PTPRS: variants seen among roughly 807,000 people sequenced by gnomAD.
PTPRS encodes the protein protein tyrosine phosphatase receptor type S.
In PTPRS, 63 loss-of-function variants were observed where a neutral mutation model predicts 215.3. The ratio of observed to expected loss-of-function variants is 0.29; its 90% CI spans 0.24 to 0.36. The LOEUF (loss-of-function observed/expected upper bound fraction) is 0.36, where lower values mean the gene tolerates loss of function less well. Ranked by LOEUF, PTPRS falls within the 10% of genes least tolerant of loss-of-function variation. The pLI is 1.00. For synonymous variants in PTPRS, 1,404 were observed against 1,191.4 expected, an observed-to-expected ratio of 1.18 and a Z score of -3.68; for missense variants, 2,258 against 2,825.8, an observed-to-expected ratio of 0.80 and a Z score of 4.56.
intron 1 of PTPRS, among the ~76,000 whole-genome samples, chr19:5,323,541 G>T (rs2050087937): frequency 6.6e-6 from 1 of 152,228 alleles, no homozygotes; most frequent in Admixed American, 6.5e-5. Context: ...GTTGCTGTTT[G>T]GGGAAAAGCA....
At chr19:5,241,431 A>G (rs887156247) in intron 11 of PTPRS, among the ~76,000 whole-genome samples, 1 of 151,710 alleles carries the variant, frequency 6.6e-6, no homozygotes, top group Non-Finnish European at 1.5e-5. Context: ...CCACAGGCAC[A>G]CACCACCACA....
chr19:5,307,394 A>ATCTTAGTGTTATGAGATCAGTATC (rs138260623), intron 1 of PTPRS, among the ~76,000 whole-genome samples: 23 of 152,352 alleles, frequency 1.5e-4, no homozygotes, highest in Admixed American at 1.3e-3. Context: ...AGAGATTAGT[A>ATCTTAGTGTTATGAGATCAGTATC]TCTTAGTGTT....
At chr19:5,224,978 G>C (rs2042345907) in intron 17 of PTPRS, among the ~76,000 whole-genome samples, 1 of 152,080 alleles carries the variant, frequency 6.6e-6, no homozygotes, top group Admixed American at 6.6e-5. Context: ...AAACACCCGA[G>C]CTTGTTCCGC....
intron 12 of PTPRS, 52 bp downstream of exon 12, chr19:5,240,147 G>T: frequency 6.9e-7 from 1 of 1,449,112 alleles, no homozygotes; most frequent in South Asian, 1.4e-5. Flanking sequence ...CAGCGTCAGA[G>T]AGCGCCGGGG....
intron 1 of PTPRS, among the ~76,000 whole-genome samples, chr19:5,288,333 C>T (rs2048536074): frequency 6.6e-6 from 1 of 152,130 alleles, no homozygotes; most frequent in Non-Finnish European, 1.5e-5. Flanking sequence ...TCCCTTCCTA[C>T]ACACATATGT....
chr19:5,213,194 T>C (rs2041087599), intron 30 of PTPRS, among the ~76,000 whole-genome samples: 1 of 152,210 alleles, frequency 6.6e-6, no homozygotes, highest in Non-Finnish European at 1.5e-5. Context: ...CCACCCTCTT[T>C]GCCGCAGACC....
intron 2 of PTPRS, among the ~76,000 whole-genome samples, chr19:5,279,835 A>G (rs549219573): frequency 6.6e-6 from 1 of 152,130 alleles, no homozygotes; most frequent in Non-Finnish European, 1.5e-5. Context: ...GGCGCCCGCC[A>G]CCATGCCTGG....
chr19:5,210,827 GC>G lies in PTPRS; in HGVS notation c.5235-23del. On this transcript the variant is annotated intron_variant, in intron 33 of 37. Transcript: ENST00000262963. The surrounding 1 kb of genome is among the most constrained non-coding windows in gnomAD (Gnocchi z 4.5). ...CTGCCTGCAGGCGTTGGGGGTATGAGCCCAGGGCCGGCAGGGAGACCCGGCG... is the reference window on the plus strand; with the variant it reads ...CTGCCTGCAGGCGTTGGGGGTATGAGCCAGGGCCGGCAGGGAGACCCGGCG... The G allele has an allele frequency of 6.2e-7, 1 of 1,609,928 alleles. No individual in the cohort carries two copies. Among genetic ancestry groups the G allele is most frequent in the Non-Finnish European group, 8.5e-7 (1 of 1,178,768 alleles).
At chr19:5,265,352 C>CT (rs950938789) in intron 4 of PTPRS, among the ~76,000 whole-genome samples, 156 bp from the exon 5 acceptor site, 2 of 152,090 alleles carry the variant, frequency 1.3e-5, no homozygotes, top group African/African-American at 4.8e-5. Context: ...AGTTCTCTCT[C>CT]TTTTTTTGAG....
chr19:5,337,998 G>A (rs915815146), intron 1 of PTPRS, among the ~76,000 whole-genome samples: 1 of 152,122 alleles, frequency 6.6e-6, no homozygotes, highest in Non-Finnish European at 1.5e-5. Context: ...AGGCTCTCAA[G>A]GTTTCCTGGA....
chr19:5,240,306 C>A lies in PTPRS; in HGVS notation c.1597G>T (p.Ala533Ser), dbSNP rs1249806655. ...ATGCTGGTCTCCGACCTGGCCTCGG[C>A]CCGCAGGTTCATGGGCTGGCCCGGC... ...GVPGQPMNLR[A>S]EARSETSITL... The change falls in exon 12 of 38, where the codon GCC becomes TCC. Residue 533 changes from alanine (A) to serine (S), a missense_variant. Physicochemically the swap from Ala to Ser is moderately conservative, Grantham distance 99. Around this residue, in one of 6 missense-constraint regions of PTPRS, gnomAD observed 508 missense variants for 799.4 expected, o/e 0.64. Transcript: ENST00000262963. The A allele has an allele frequency of 6.2e-7, 1 of 1,604,088 alleles. No individual in the cohort carries two copies. The highest frequency in any genetic ancestry group is 1.3e-5 in the African/African-American group (1 of 74,754).
rs143446711 is a variant in PTPRS, at chr19:5,236,885, C to T, written c.1849+2034G>A. 9.5e-5 allele frequency among the ~76,000 whole-genome samples: 14 copies of T among 147,368 alleles called. No individual in the cohort carries two copies. The South Asian group carries it at 1.7e-3, about 18-fold the overall frequency. On this transcript the variant is annotated intron_variant, in intron 13 of 37. Transcript: ENST00000262963. ...AAAAAACAACAATCAAGGAATGTGT[C>T]GGAAGGAATGGATTTGCTGAGAAAG...
At position 5,221,021 on chromosome 19, in the gene PTPRS, C is replaced by T. The variant is rs866466115; in HGVS notation, c.3434G>A (p.Gly1145Asp). The change falls in exon 20 of 38, where the codon GGC becomes GAC. Residue 1145 changes from glycine to aspartate, a missense_variant. Gly to Asp is a moderately conservative substitution (Grantham distance 94). Transcript: ENST00000262963. ...ATACTGGACAGGCACGGGGCTCTGG[C>T]CGTCAGGAAGATACACCATGATGAA... The part of the protein sequence containing the change: ...DGFIMVYLPD[G>D]QSPVPVQSYF... 7.4e-6 allele frequency: 12 copies of T among 1,611,466 alleles called. No individual in the cohort carries two copies. The highest frequency in any genetic ancestry group is 9.3e-6 in the Non-Finnish European group (11 of 1,178,656).
intron 11 of PTPRS, among the ~76,000 whole-genome samples, chr19:5,242,265 C>T (rs542445838): frequency 3.3e-5 from 5 of 152,170 alleles, no homozygotes. Context: ...ACACACAGCC[C>T]CCCTTGTCTC....
Position 5,285,987 on chromosome 19 carries a change from G to C in PTPRS, c.91+63C>G. ...TGGGGAGTGTGCCCACACACACACA[G>C]CCATAAATGCACACAGGTAAACAAA... On this transcript the variant is annotated intron_variant, in intron 2 of 37. Transcript: ENST00000262963. 5 of 1,493,720 alleles carry C rather than the reference G, an allele frequency of 3.3e-6. No individual in the cohort carries two copies. In the Admixed American group the frequency reaches 5.4e-5, roughly 16 times the overall value. The allele number at this position is 1,493,720 out of a possible 1,614,324, so 92.5% of individuals were successfully genotyped here. A position where few individuals can be genotyped will look rare whatever the true frequency, so the allele number is the denominator to read the frequency against.
chr19:5,293,823 G>A lies in PTPRS; in HGVS notation c.-94-7589C>T, dbSNP rs1197667337. Among the ~76,000 whole-genome samples the A allele has an allele frequency of 6.6e-6, 1 of 152,142 alleles. No individual in the cohort carries two copies. Among genetic ancestry groups the A allele is most frequent in the African/African-American group, 2.4e-5 (1 of 41,440 alleles). ...ATGAATGGGGGGACACCGTGGCAGA[G>A]GCCCCCACCCTCGCCACAAGCCTGA... On this transcript the variant is annotated intron_variant, in intron 1 of 37. Coordinates refer to ENST00000262963, the MANE Select transcript of PTPRS (RefSeq NM_002850.4). The surrounding 1 kb of genome is among the most constrained non-coding windows in gnomAD (Gnocchi z 8.4).
chr19:5,239,587 C>T (rs1196439492), intron 12 of PTPRS, among the ~76,000 whole-genome samples: 1 of 145,724 alleles, frequency 6.9e-6, no homozygotes. Context: ...GAAATAGAGA[C>T]AGAGACAGAA....
chr19:5,210,917 C>T lies in PTPRS; in HGVS notation c.5235-112G>A, dbSNP rs2040816794. 7.1e-7 allele frequency: 1 copy of T among 1,398,946 alleles called. No homozygotes were observed. Among genetic ancestry groups the T allele is most frequent in the Non-Finnish European group, 9.5e-7 (1 of 1,050,756 alleles). 86.7% of individuals were successfully genotyped at this position (1,398,946 alleles called of 1,614,324 possible). A position where few individuals can be genotyped will look rare whatever the true frequency, so the allele number is the denominator to read the frequency against. Reference sequence around the variant, plus strand: ...AGCCAGTGACAGCTACACCTACCACCCCACTGCCTGCCAGGAATGGCTGCT... The same window carrying T: ...AGCCAGTGACAGCTACACCTACCACTCCACTGCCTGCCAGGAATGGCTGCT... On this transcript the variant is annotated intron_variant, in intron 33 of 37. Transcript: ENST00000262963. This position sits in a 1 kb window ranked among gnomAD's most constrained non-coding sequence, Gnocchi z 4.5.
At chr19:5,259,612 T>C (rs953626662) in intron 7 of PTPRS, among the ~76,000 whole-genome samples, 4 of 152,128 alleles carry the variant, frequency 2.6e-5, no homozygotes, top group African/African-American at 9.7e-5. Flanking sequence ...AAACTTAGTG[T>C]AACATATCTA....
Sources: allele counts gnomAD v4.1 joint callset (sites outside exome capture counted in the v4.1 genomes callset), GRCh38; gene constraint gnomAD v4.1.1; regional missense constraint gnomAD v4.1.1; non-coding constraint Gnocchi (gnomAD v3.1); transcripts MANE v1.5; gene names NCBI Gene and HGNC (gene_info 2026-07-23, HGNC 2026-07-21).